The following SYTL3 variants were observed in gnomAD, a reference collection of about 807,000 sequenced individuals.
SYTL3 encodes synaptotagmin like 3.
SYTL3 carries 88 observed loss-of-function variants against 82.1 expected under a neutral mutation model. The observed-to-expected ratio is 1.07, with a 90% CI of 0.90 to 1.28. The LOEUF (loss-of-function observed/expected upper bound fraction) is 1.28. Among genes scored for constraint, SYTL3 ranks in the 50% most tolerant of loss-of-function variants. SYTL3 has a pLI of 0.00. For synonymous variants in SYTL3, 311 were observed against 289.4 expected, an observed-to-expected ratio of 1.07 and a Z score of -0.76; for missense variants, 831 against 757.6, an observed-to-expected ratio of 1.10 and a Z score of -1.14.
rs149299311 is a variant in SYTL3, at chr6:158,663,194, C to G, written c.-75C>G. On this transcript the variant is annotated 5_prime_UTR_variant, in exon 4 of 18. Coordinates refer to ENST00000611299, the MANE Select transcript of SYTL3 (RefSeq NM_001242394.2). Reference sequence around the variant, plus strand: ...GGCTGGCTGCAGCTGGCCTCCGCCGCTCATCTGCAGGGCGTGAGCGCTTGG... The same window carrying G: ...GGCTGGCTGCAGCTGGCCTCCGCCGGTCATCTGCAGGGCGTGAGCGCTTGG... 1,278 of 1,361,688 alleles carry G rather than the reference C, an allele frequency of 9.4e-4. 23 individuals carry two copies. The East Asian group carries it at 0.027, about 29-fold the overall frequency. The allele number at this position is 1,361,688 out of a possible 1,614,324, so 84.4% of individuals were successfully genotyped here. A position where few individuals can be genotyped will look rare whatever the true frequency, so the allele number is the denominator to read the frequency against.
intron 9 of SYTL3, among the ~76,000 whole-genome samples, chr6:158,717,734 C>T (rs1783587975): frequency 6.6e-6 from 1 of 152,160 alleles, no homozygotes; most frequent in South Asian, 2.1e-4. Context: ...GTTTGGTAGG[C>T]TGCCGTCTTC....
Position 158,713,803 on chromosome 6 carries a change from C to G in SYTL3, c.520C>G (p.Gln174Glu). Residue 174 changes from glutamine to glutamate, a missense_variant, in exon 9 of 18, where the codon CAG becomes GAG. By Grantham distance (29) the Gln-to-Glu change is conservative. Coordinates refer to ENST00000611299, the MANE Select transcript of SYTL3 (RefSeq NM_001242394.2). ...TCTCCTTCTGTCTCTGTTTTAGTTA[C>G]AGGAATTTGGTCAGTTTAGAGGATT... ...SQCSRSPGRL[Q>E]EFGQFRGFNK... 1.3e-6 allele frequency: 2 copies of G among 1,545,770 alleles called. No individual in the cohort carries two copies. The highest frequency in any genetic ancestry group is 1.8e-6 in the Non-Finnish European group (2 of 1,142,166).
chr6:158,695,546 C>A lies in SYTL3; in HGVS notation c.395-11684C>A, dbSNP rs1235488527. Among the ~76,000 whole-genome samples, 4 of 152,182 alleles carry A rather than the reference C, an allele frequency of 2.6e-5. No homozygotes were observed. In the East Asian group the frequency reaches 7.7e-4, roughly 29 times the overall value. On this transcript the variant is annotated intron_variant, in intron 6 of 17. Transcript: ENST00000611299. ...TTTTAAAATTGTGGCAAAATATGCA[C>A]AATATAAAATTTGCCATTTTAGCCA...
In SYTL3 at chr6:158,764,507, C is replaced by A; in HGVS notation, c.1736C>A (p.Ala579Asp). The A allele has an allele frequency of 6.2e-7, 1 of 1,613,592 alleles. No individual in the cohort carries two copies. The highest frequency in any genetic ancestry group is 1.1e-5 in the South Asian group (1 of 91,066). ...TCCTCTCTTACAGAGGGAGACACAG[C>A]TGTTGGCGGGGATGCATGCTCACTA... ...GTRLGSKGDT[A>D]VGGDACSLSK... The change falls in exon 18 of 18, where the codon GCT (alanine) becomes GAT (aspartate). Residue 579 changes from alanine (A) to aspartate (D), a missense_variant. Physicochemically the swap from Ala to Asp is moderately radical, Grantham distance 126 (BLOSUM62 -2). Coordinates refer to ENST00000611299, the MANE Select transcript of SYTL3 (RefSeq NM_001242394.2).
intron 11 of SYTL3, among the ~76,000 whole-genome samples, chr6:158,736,408 A>G (rs2128497794): frequency 6.6e-6 from 1 of 152,194 alleles, no homozygotes; most frequent in Non-Finnish European, 1.5e-5. Context: ...ATTATGGAGA[A>G]TGTGCACACA....
rs774590724 is a variant in SYTL3 at position 158,764,724 on chromosome 6, C to T, written c.*120C>T. On this transcript the variant is annotated 3_prime_UTR_variant, in exon 18 of 18. Coordinates refer to ENST00000611299, the MANE Select transcript of SYTL3 (RefSeq NM_001242394.2). Reference sequence around the variant, plus strand: ...CCCTTTGACCTTGAGCAGTCTCCATCTGCGGCCCTGTCCCATGGCTTAACC... The same window carrying T: ...CCCTTTGACCTTGAGCAGTCTCCATTTGCGGCCCTGTCCCATGGCTTAACC... The T allele has an allele frequency of 1.9e-5, 13 of 675,518 alleles. No homozygotes were observed. Among genetic ancestry groups the T allele is most frequent in the African/African-American group, 3.5e-5 (2 of 56,454 alleles). The allele number at this position is 675,518 out of a possible 1,614,324, so 41.8% of individuals were successfully genotyped here.
At chr6:158,758,121 G>A (rs985066205) in intron 14 of SYTL3, among the ~76,000 whole-genome samples, 1 of 152,154 alleles carries the variant, frequency 6.6e-6, no homozygotes, top group African/African-American at 2.4e-5. Context: ...GATGAAAAAC[G>A]TGGGCTTCTG....
chr6:158,716,919 A>G (rs767777884), intron 9 of SYTL3, among the ~76,000 whole-genome samples: 1 of 152,194 alleles, frequency 6.6e-6, no homozygotes, highest in Non-Finnish European at 1.5e-5. Context: ...AAAATATTTC[A>G]TGGATAACTT....
At chr6:158,680,391 A>G (rs1356308852) in intron 5 of SYTL3, among the ~76,000 whole-genome samples, 1 of 152,146 alleles carries the variant, frequency 6.6e-6, no homozygotes, top group Non-Finnish European at 1.5e-5. Flanking sequence ...GAGACATATC[A>G]CAGTTGTACA....
At chr6:158,757,446 G>A in intron 14 of SYTL3, 65 bp downstream of exon 14, 1 of 1,548,314 alleles carries the variant, frequency 6.5e-7, no homozygotes. Flanking sequence ...ACTTTTCAGA[G>A]AGATCCCAGA....
chr6:158,727,594 A>G (rs534402859), intron 11 of SYTL3, among the ~76,000 whole-genome samples: 11 of 152,048 alleles, frequency 7.2e-5, no homozygotes, highest in Non-Finnish European at 1.3e-4. Flanking sequence ...GCCTGGCCGG[A>G]AAAGTGTTGT....
intron 11 of SYTL3, 146 bp downstream of exon 11, chr6:158,725,783 A>G: frequency 8.8e-7 from 1 of 1,131,088 alleles, no homozygotes; most frequent in Non-Finnish European, 1.3e-6. Context: ...CCATCCTTCC[A>G]TTCCTTAAAG....
intron 5 of SYTL3, among the ~76,000 whole-genome samples, chr6:158,682,202 G>A (rs1332312852): frequency 6.6e-6 from 1 of 152,084 alleles, no homozygotes; most frequent in Non-Finnish European, 1.5e-5. Flanking sequence ...GCCTCCCAAA[G>A]TACTGGGATT....
At position 158,722,755 on chromosome 6, in the gene SYTL3, CTT is replaced by C. The variant is rs1420981104; in HGVS notation, c.721-2745_721-2744del. Among the ~76,000 whole-genome samples, 5 of 123,132 alleles carry C rather than the reference CTT, an allele frequency of 4.1e-5. 1 individual carries two copies. In the East Asian group the frequency reaches 1.1e-3, roughly 26 times the overall value. 80.8% of individuals were successfully genotyped at this position (123,132 alleles called of 152,430 possible). A position where few individuals can be genotyped will look rare whatever the true frequency, so the allele number is the denominator to read the frequency against. ...GAGGTGGAGGAAAAAGATTTTCTCT[CTT>C]TTCTGTTTTTTTTTTTTTTTTTTTT... On this transcript the variant is annotated intron_variant, in intron 10 of 17. Coordinates refer to ENST00000611299, the MANE Select transcript of SYTL3 (RefSeq NM_001242394.2).
chr6:158,653,477 G>A lies in SYTL3; in HGVS notation c.-637+1635G>A, dbSNP rs1164414845. On this transcript the variant is annotated intron_variant, in intron 2 of 17. Coordinates refer to ENST00000611299, the MANE Select transcript of SYTL3 (RefSeq NM_001242394.2). ...GCCAAGATCGCGCCATTGCATTCCC[G>A]CCTGGGCAACAAGAGCGAACTCCGT... 4.0e-5 allele frequency among the ~76,000 whole-genome samples: 6 copies of A among 151,748 alleles called. No homozygotes were observed. The South Asian group carries it at 1.0e-3, about 26-fold the overall frequency.
intron 12 of SYTL3, among the ~76,000 whole-genome samples, chr6:158,745,974 A>G (rs1365203785): frequency 3.3e-5 from 5 of 152,138 alleles, no homozygotes; most frequent in Admixed American, 3.3e-4. Context: ...TATAAACAAG[A>G]CAAATACATA....
intron 5 of SYTL3, among the ~76,000 whole-genome samples, chr6:158,668,427 C>T (rs760060233): frequency 2.6e-5 from 4 of 152,178 alleles, no homozygotes; most frequent in Non-Finnish European, 5.9e-5. Flanking sequence ...CGGGGTTTCA[C>T]CATGTTGGCC....
chr6:158,706,049 G>C (rs887249097), intron 6 of SYTL3, among the ~76,000 whole-genome samples: 3 of 152,106 alleles, frequency 2.0e-5, no homozygotes, highest in African/African-American at 7.2e-5. Context: ...CCTACTAGTT[G>C]AGTGCCCGGG....
chr6:158,673,075 T>A (rs964236954), intron 5 of SYTL3, among the ~76,000 whole-genome samples: 1 of 152,074 alleles, frequency 6.6e-6, no homozygotes, highest in Non-Finnish European at 1.5e-5. Context: ...GGACTCCAAG[T>A]ACGCACCACC....
Sources: gnomAD v4.1 joint callset for allele counts (sites outside exome capture counted in the v4.1 genomes callset) on GRCh38, gnomAD v4.1.1 for gene constraint, MANE v1.5 for transcripts, NCBI Gene and HGNC (gene_info 2026-07-23, HGNC 2026-07-21) for gene names.